MPP7: variants seen among roughly 807,000 people sequenced by gnomAD.
The protein encoded by MPP7 is MAGUK p55 scaffold protein 7.
Under a neutral mutation model 76.5 loss-of-function variants are expected in MPP7, and 60 were observed. That is an observed-to-expected ratio of 0.78 (90% CI 0.64 to 0.97). The LOEUF (loss-of-function observed/expected upper bound fraction) is 0.97. Ranked by LOEUF, MPP7 falls within the 50% of genes least tolerant of loss-of-function variation. The pLI is 0.00. For missense variants in MPP7, 641 were observed against 694.0 expected (o/e 0.92, Z 0.86); for synonymous variants, 237 against 244.5 (o/e 0.97, Z 0.29).
At chr10:28,327,509 A>G (rs1483575252) in intron 2 of MPP7, among the ~76,000 whole-genome samples, 1 of 152,228 alleles carries the variant, frequency 6.6e-6, no homozygotes, top group East Asian at 1.9e-4. Flanking sequence ...AGACAGAAAT[A>G]ACAACTTTTG....
At chr10:28,126,623 T>C (rs1429251626) in intron 6 of MPP7, among the ~76,000 whole-genome samples, 1 of 152,250 alleles carries the variant, frequency 6.6e-6, no homozygotes, top group Non-Finnish European at 1.5e-5. Flanking sequence ...TAACCTTTCG[T>C]TCATAAGTTC....
chr10:28,204,320 G>A (rs1015459623), intron 2 of MPP7, among the ~76,000 whole-genome samples: 7 of 151,660 alleles, frequency 4.6e-5, no homozygotes, highest in East Asian at 1.9e-4. Context: ...GCACACACCT[G>A]TAATTTCAGC....
intron 1 of MPP7, among the ~76,000 whole-genome samples, chr10:28,293,952 G>A (rs11006993): frequency 2.6e-4 from 39 of 152,232 alleles, no homozygotes; most frequent in African/African-American, 7.2e-4. Context: ...GTGAGATCCC[G>A]CAGGTCTGCA....
chr10:28,279,785 G>A (rs1012206674), intron 1 of MPP7, among the ~76,000 whole-genome samples: 2 of 151,604 alleles, frequency 1.3e-5, no homozygotes, highest in Admixed American at 6.6e-5. Context: ...GTTTAAGGAC[G>A]GAATTCCTAC....
At chr10:28,098,629 C>T (rs1239957340) in intron 11 of MPP7, among the ~76,000 whole-genome samples, 2 of 151,098 alleles carry the variant, frequency 1.3e-5, no homozygotes, top group Admixed American at 6.6e-5. Flanking sequence ...AAATGAAATC[C>T]GTATTGGCAG....
chr10:28,119,510 A>G, intron 11 of MPP7, 141 bp downstream of exon 11: 2 of 627,364 alleles, frequency 3.2e-6, no homozygotes, highest in East Asian at 5.4e-5. Context: ...TGAATCTCAT[A>G]TTTGTTTGTT....
chr10:28,214,515 T>C (rs935121187), intron 2 of MPP7, among the ~76,000 whole-genome samples: 2 of 152,126 alleles, frequency 1.3e-5, no homozygotes, highest in African/African-American at 2.4e-5. Context: ...TCTTGAGCCT[T>C]TCTCATCCCT....
At chr10:28,325,434 T>C (rs1834401828) in intron 2 of MPP7, among the ~76,000 whole-genome samples, 1 of 151,372 alleles carries the variant, frequency 6.6e-6, no homozygotes, top group Non-Finnish European at 1.5e-5. Context: ...GAGGACCACC[T>C]GAGGACAGGA....
intron 1 of MPP7, among the ~76,000 whole-genome samples, chr10:28,276,174 G>GC (rs1840491180): frequency 6.6e-6 from 1 of 151,676 alleles, no homozygotes; most frequent in Admixed American, 6.6e-5. Context: ...GGGATTACAG[G>GC]CGCCCACCAC....
At chr10:28,089,966 CCCTA>C in intron 11 of MPP7, 125 bp from the exon 12 acceptor site, 1 of 608,424 alleles carries the variant, frequency 1.6e-6, no homozygotes, top group Non-Finnish European at 2.8e-6. Flanking sequence ...AAAGTTAAAA[CCCTA>C]ATGTTTTAGA....
intron 1 of MPP7, among the ~76,000 whole-genome samples, chr10:28,252,931 G>A (rs753988489): frequency 2.0e-5 from 3 of 151,546 alleles, no homozygotes; most frequent in African/African-American, 4.9e-5. Context: ...AGGGGGGGGC[G>A]GAGTCCCACT....
intron 2 of MPP7, among the ~76,000 whole-genome samples, chr10:28,319,557 A>AAG (rs1005192900): frequency 5.9e-5 from 9 of 151,760 alleles, no homozygotes; most frequent in East Asian, 1.9e-4. Flanking sequence ...CTGGGAAAAA[A>AAG]AGAGAGAGAG....
At chr10:28,074,662 C>T (rs143462623) in intron 12 of MPP7, among the ~76,000 whole-genome samples, 4 of 152,318 alleles carry the variant, frequency 2.6e-5, no homozygotes, top group African/African-American at 9.6e-5. Context: ...ATTGCTCTCC[C>T]TGAATCTTCA....
At chr10:28,289,641 C>T (rs75975025) in intron 1 of MPP7, among the ~76,000 whole-genome samples, 1 of 152,068 alleles carries the variant, frequency 6.6e-6, no homozygotes, top group African/African-American at 2.4e-5. Flanking sequence ...CTTGAATCTG[C>T]GTGAAACGGC....
chr10:28,080,094 A>AAAAGG (rs1170674909), intron 12 of MPP7, among the ~76,000 whole-genome samples: 2 of 149,476 alleles, frequency 1.3e-5, no homozygotes, highest in African/African-American at 4.9e-5. Context: ...AGGGGAGGGG[A>AAAAGG]AAAGGAAAGG....
chr10:28,182,848 C>T (rs775263943), intron 3 of MPP7, among the ~76,000 whole-genome samples: 15 of 152,328 alleles, frequency 9.8e-5, no homozygotes, highest in Middle Eastern at 6.8e-3. Context: ...GAGGCCAAGG[C>T]GGGTGGATCA....
intron 1 of MPP7, among the ~76,000 whole-genome samples, chr10:28,292,632 G>T (rs1840947658): frequency 6.6e-6 from 1 of 152,106 alleles, no homozygotes; most frequent in African/African-American, 2.4e-5. Context: ...TTTTTTAAAA[G>T]CTACCTAGCA....
chr10:28,284,194 C>A (rs1467119592), intron 1 of MPP7, among the ~76,000 whole-genome samples: 1 of 152,172 alleles, frequency 6.6e-6, no homozygotes, highest in African/African-American at 2.4e-5. Flanking sequence ...CTGAAATGCA[C>A]ATGAAAGGAA....
chr10:28,141,483 T>C (rs538886807), intron 5 of MPP7, among the ~76,000 whole-genome samples: 54 of 152,254 alleles, frequency 3.5e-4, no homozygotes, highest in Non-Finnish European at 6.0e-4. Flanking sequence ...TTCGGTAAGG[T>C]GGTATAAAAT....
Sources: allele counts gnomAD v4.1 joint callset (sites outside exome capture counted in the v4.1 genomes callset), GRCh38; gene constraint gnomAD v4.1.1; transcripts MANE v1.5; gene names NCBI Gene and HGNC (gene_info 2026-07-23, HGNC 2026-07-21).